Variants in SHROOM3 observed in about 807,000 individuals in gnomAD.
SHROOM3 encodes shroom family member 3.
SHROOM3 carries 47 observed loss-of-function variants against 138.6 expected under a neutral mutation model. That is an observed-to-expected ratio of 0.34 (90% CI 0.27 to 0.43). The LOEUF (loss-of-function observed/expected upper bound fraction) is 0.43, where lower values mean the gene tolerates loss of function less well. Ranked by LOEUF, SHROOM3 falls within the 20% of genes least tolerant of loss-of-function variation. The pLI, the probability that SHROOM3 is intolerant of heterozygous loss-of-function variation, is 1.00. For synonymous variants in SHROOM3, 1,062 were observed against 1,063.3 expected (o/e 1.00, Z 0.02); for missense variants, 2,491 against 2,596.5 (o/e 0.96, Z 0.88).
intron 2 of SHROOM3, among the ~76,000 whole-genome samples, chr4:76,612,764 C>T (rs1446454114): frequency 6.6e-6 from 1 of 152,078 alleles, no homozygotes; most frequent in Non-Finnish European, 1.5e-5. Context: ...CATAGCAAGA[C>T]TCCATCTCAA....
At position 76,730,947 on chromosome 4, in the gene SHROOM3, T is replaced by C. The variant is rs773878234; in HGVS notation, c.587+12T>C. ...AGCTACCATTCCAGGTAAGTGGCTA[T>C]AGCTGAGACTGAAGGGTTTCTTTCT... On this transcript the variant is annotated intron_variant, in intron 4 of 10. Coordinates refer to ENST00000296043, the MANE Select transcript of SHROOM3 (RefSeq NM_020859.4). The C allele has an allele frequency of 6.8e-6, 11 of 1,614,030 alleles. No homozygotes were observed. Among genetic ancestry groups the C allele is most frequent in the South Asian group, 1.1e-5 (1 of 91,070 alleles).
chr4:76,735,130 T>C (rs989297041), intron 4 of SHROOM3, among the ~76,000 whole-genome samples: 1 of 152,128 alleles, frequency 6.6e-6, no homozygotes, highest in African/African-American at 2.4e-5. Context: ...AGCCAGACCA[T>C]GGTAAGAACT....
At chr4:76,657,762 A>G (rs1447204727) in intron 2 of SHROOM3, among the ~76,000 whole-genome samples, 2 of 152,218 alleles carry the variant, frequency 1.3e-5, no homozygotes, top group Non-Finnish European at 1.5e-5. Context: ...TGATATAAAG[A>G]TACAAAGAGA....
intron 1 of SHROOM3, among the ~76,000 whole-genome samples, chr4:76,528,917 A>G (rs182586545): frequency 1.5e-3 from 221 of 152,222 alleles, no homozygotes; most frequent in African/African-American, 5.1e-3. Context: ...GTTCCTACAT[A>G]TGATCTTGAC....
chr4:76,660,481 A>G (rs968443397), intron 2 of SHROOM3, among the ~76,000 whole-genome samples: 2 of 151,918 alleles, frequency 1.3e-5, no homozygotes, highest in Non-Finnish European at 2.9e-5. Flanking sequence ...ATTTATTTTA[A>G]TTAATTTTTT....
At chr4:76,535,363 A>T (rs1202752857) in intron 1 of SHROOM3, among the ~76,000 whole-genome samples, 1 of 152,082 alleles carries the variant, frequency 6.6e-6, no homozygotes, top group Non-Finnish European at 1.5e-5. Flanking sequence ...TTCTTCCCCC[A>T]TATTTGATAT....
chr4:76,741,291 C>T lies in SHROOM3; in HGVS notation c.3118C>T (p.Leu1040=), dbSNP rs756203523. The T allele has an allele frequency of 4.3e-6, 7 of 1,612,052 alleles. No homozygotes were observed. The Admixed American group carries it at 1.0e-4, about 23-fold the overall frequency. The change falls in exon 5 of 11, where the codon CTG becomes TTG. Residue 1040 remains leucine (L), a synonymous_variant. Coordinates refer to ENST00000296043, the MANE Select transcript of SHROOM3 (RefSeq NM_020859.4). The surrounding 1 kb of genome is among the most constrained non-coding windows in gnomAD (Gnocchi z 6.2). ...CGTGGAGGAGGCCGAACCGGCACCC[C>T]TGGGCCCGCAGAGAAATGGGATGCG... ...GIVEEAEPAP[L]GPQRNGMRFP...
chr4:76,496,196 G>A (rs1009577144), intron 1 of SHROOM3, among the ~76,000 whole-genome samples: 1 of 152,216 alleles, frequency 6.6e-6, no homozygotes, highest in African/African-American at 2.4e-5. Flanking sequence ...TGAATTGGAG[G>A]GTGTGCTTCT....
chr4:76,490,626 C>T (rs1292983008), intron 1 of SHROOM3, among the ~76,000 whole-genome samples: 3 of 152,146 alleles, frequency 2.0e-5, no homozygotes, highest in Non-Finnish European at 2.9e-5. Flanking sequence ...AGGAAGTTGG[C>T]GTGAAACAGC....
At chr4:76,651,577 C>T (rs1263748793) in intron 2 of SHROOM3, among the ~76,000 whole-genome samples, 2 of 151,742 alleles carry the variant, frequency 1.3e-5, no homozygotes, top group African/African-American at 4.8e-5. Flanking sequence ...GGTTTCCTGC[C>T]ACACTTGGAT....
At chr4:76,550,962 G>C (rs537222408) in intron 1 of SHROOM3, among the ~76,000 whole-genome samples, 34 of 150,622 alleles carry the variant, frequency 2.3e-4, no homozygotes, top group African/African-American at 8.0e-4. Context: ...TCACACCACT[G>C]CACTCCAGCT....
At chr4:76,776,963 T>C (rs1297714251) in intron 10 of SHROOM3, among the ~76,000 whole-genome samples, 1 of 152,236 alleles carries the variant, frequency 6.6e-6, no homozygotes, top group Non-Finnish European at 1.5e-5. Context: ...TATATGCCTG[T>C]TTTTACACTA....
chr4:76,587,792 T>C (rs773908109), intron 2 of SHROOM3, among the ~76,000 whole-genome samples: 3 of 152,186 alleles, frequency 2.0e-5, no homozygotes, highest in Non-Finnish European at 4.4e-5. Context: ...ATAGTGTATA[T>C]GCAAGTGATT....
At chr4:76,734,474 A>G (rs911167558) in intron 4 of SHROOM3, among the ~76,000 whole-genome samples, 3 of 151,618 alleles carry the variant, frequency 2.0e-5, no homozygotes, top group African/African-American at 7.3e-5. Context: ...GTTTTCATAC[A>G]CTTATTTTGT....
intron 10 of SHROOM3, among the ~76,000 whole-genome samples, chr4:76,773,361 A>G (rs1401594405): frequency 6.7e-6 from 1 of 149,682 alleles, no homozygotes; most frequent in Non-Finnish European, 1.5e-5. Context: ...GTGACAGAGC[A>G]AGACTGTCTC....
At chr4:76,547,932 AACACACACACACAC>A (rs57089323) in intron 1 of SHROOM3, among the ~76,000 whole-genome samples, 6 of 146,074 alleles carry the variant, frequency 4.1e-5, no homozygotes, top group Non-Finnish European at 9.0e-5. Flanking sequence ...CCTGTCTCAA[AACACACACACACAC>A]ACACACACAC....
intron 1 of SHROOM3, among the ~76,000 whole-genome samples, chr4:76,513,978 A>G (rs1241405069): frequency 1.3e-5 from 2 of 152,246 alleles, no homozygotes; most frequent in Admixed American, 1.3e-4. Context: ...CTACATTAAA[A>G]GTAAATCAAA....
At position 76,671,796 on chromosome 4, in the gene SHROOM3, C is replaced by A. The variant is rs78678021; in HGVS notation, c.324-38360C>A. The stretch of plus-strand genomic sequence containing the variant: ...TACAGGTTAAGTATCTCTTATCCTA[C>A]ATGCTTGGAACCAGAAGTGTTTTGG... On this transcript the variant is annotated intron_variant, in intron 2 of 10. Transcript: ENST00000296043. 9.5e-3 allele frequency among the ~76,000 whole-genome samples: 1,439 copies of A among 152,264 alleles called. 13 individuals carry two copies. The highest frequency in any genetic ancestry group is 0.033 in the African/African-American group (1,355 of 41,538).
chr4:76,574,917 T>C (rs1733908652), intron 2 of SHROOM3, among the ~76,000 whole-genome samples: 1 of 152,168 alleles, frequency 6.6e-6, no homozygotes, highest in African/African-American at 2.4e-5. Context: ...AATGGGAATA[T>C]ACTTAATGCC....
Sources: gnomAD v4.1 joint callset for allele counts (sites outside exome capture counted in the v4.1 genomes callset) on GRCh38, gnomAD v4.1.1 for gene constraint, Gnocchi (gnomAD v3.1) non-coding constraint, MANE v1.5 for transcripts, NCBI Gene and HGNC (gene_info 2026-07-23, HGNC 2026-07-21) for gene names.